Variants in UTRN observed in about 807,000 individuals in gnomAD.
UTRN encodes the protein dystrophin-related protein 1.
Under a neutral mutation model 463.9 loss-of-function variants are expected in UTRN, and 283 were observed. The observed-to-expected ratio is 0.61, with a 90% CI of 0.55 to 0.67. UTRN has a LOEUF of 0.67. Among genes scored for constraint, UTRN ranks in the 30% least tolerant of loss-of-function variants. The pLI, the probability that UTRN is intolerant of heterozygous loss-of-function variation, is 0.00. For synonymous variants in UTRN, 1,442 were observed against 1,431.5 expected (o/e 1.01, Z -0.17); for missense variants, 3,922 against 4,084.3 (o/e 0.96, Z 1.08).
In UTRN at chr6:144,491,083, C is replaced by G; in HGVS notation, c.4418C>G (p.Thr1473Arg). 6.2e-7 allele frequency: 1 copy of G among 1,607,998 alleles called. No individual in the cohort carries two copies. Among genetic ancestry groups the G allele is most frequent in the Non-Finnish European group, 8.5e-7 (1 of 1,178,058 alleles). Reference protein sequence around the residue: ...VKDVDPDVIQTHLDKCMKLYK... With the variant: ...VKDVDPDVIQRHLDKCMKLYK... ...GACGTAGACCCTGACGTCATACAGA[C>G]GCACCTGGACAAGTGTATGGTGAGG... Residue 1473 changes from threonine (T) to arginine (R), a missense_variant, in exon 32 of 75, where the codon ACG (threonine) becomes AGG (arginine). Thr to Arg is a moderately conservative substitution (Grantham distance 71, BLOSUM62 -1). Around this residue, in one of 3 missense-constraint regions of UTRN, gnomAD observed 2,349 missense variants for 2,303.8 expected, o/e 1.02. Coordinates refer to ENST00000367545, the MANE Select transcript of UTRN (RefSeq NM_007124.3).
chr6:144,629,481 T>C (rs1316849764), intron 51 of UTRN, among the ~76,000 whole-genome samples: 1 of 152,254 alleles, frequency 6.6e-6, no homozygotes, highest in Non-Finnish European at 1.5e-5. Context: ...TTCCAAGTTA[T>C]TGCTGATCCT....
rs1243334139 is a variant in UTRN at position 144,428,835 on chromosome 6, A to G, written c.636A>G (p.Glu212=). The change falls in exon 8 of 75, where the codon GAA becomes GAG. Residue 212 remains glutamate (E), a synonymous_variant. Transcript: ENST00000367545. ...AAATGTCACCAATTGAGAGACTTGA[A>G]CATGCCTTCAGCAAGGCTCAAACTT... The part of the protein sequence containing the change: ...VVKMSPIERL[E]HAFSKAQTYL... 5.6e-6 allele frequency: 9 copies of G among 1,612,714 alleles called. No homozygotes were observed. Among genetic ancestry groups the G allele is most frequent in the Non-Finnish European group, 7.6e-6 (9 of 1,179,604 alleles).
intron 7 of UTRN, among the ~76,000 whole-genome samples, chr6:144,428,222 C>CG (rs1270545542): frequency 6.6e-6 from 1 of 152,008 alleles, no homozygotes; most frequent in Non-Finnish European, 1.5e-5. Context: ...AGCATGGAAG[C>CG]AGGGGATTGG....
intron 51 of UTRN, among the ~76,000 whole-genome samples, chr6:144,589,197 A>G (rs1177974072): frequency 6.6e-6 from 1 of 152,146 alleles, no homozygotes; most frequent in Non-Finnish European, 1.5e-5. Flanking sequence ...TTTTGTTTTT[A>G]TTTTAACAGA....
intron 23 of UTRN, among the ~76,000 whole-genome samples, chr6:144,470,782 C>T (rs572535902): frequency 3.9e-5 from 6 of 152,010 alleles, no homozygotes; most frequent in East Asian, 3.9e-4. Flanking sequence ...CCCGGTACCT[C>T]GGGAGGCCGA....
intron 39 of UTRN, among the ~76,000 whole-genome samples, chr6:144,519,621 C>G (rs1316213081): frequency 6.6e-6 from 1 of 152,084 alleles, no homozygotes; most frequent in Non-Finnish European, 1.5e-5. Context: ...TGATTGATCA[C>G]TCTCTTGGGG....
intron 53 of UTRN, among the ~76,000 whole-genome samples, chr6:144,703,288 A>C (rs1784768928): frequency 6.6e-6 from 1 of 152,214 alleles, no homozygotes; most frequent in African/African-American, 2.4e-5. Context: ...GAAATGTAAG[A>C]GCTCGATGTT....
At chr6:144,429,390 T>C (rs960226926) in intron 8 of UTRN, among the ~76,000 whole-genome samples, 191 bp from the exon 9 acceptor site, 2 of 152,166 alleles carry the variant, frequency 1.3e-5, no homozygotes, top group African/African-American at 4.8e-5. Context: ...AATGAGATAC[T>C]GAACAAAAAT....
At chr6:144,727,534 G>A (rs536428286) in intron 53 of UTRN, among the ~76,000 whole-genome samples, 157 of 152,256 alleles carry the variant, frequency 1.0e-3, no homozygotes, top group African/African-American at 3.5e-3. Context: ...CAAGGCGGGC[G>A]GATCACAAGG....
intron 53 of UTRN, among the ~76,000 whole-genome samples, chr6:144,724,222 C>CTTTTTTTTTT (rs34507977): frequency 3.8e-5 from 3 of 78,150 alleles, no homozygotes; most frequent in African/African-American, 5.8e-5. Flanking sequence ...AGATTCATAA[C>CTTTTTTTTTT]TTTTTTTTTT....
chr6:144,757,825 A>G, intron 57 of UTRN, 104 bp from the exon 58 acceptor site: 1 of 1,001,066 alleles, frequency 1.0e-6, no homozygotes, highest in Non-Finnish European at 1.5e-6. Flanking sequence ...CTCAGAAACC[A>G]GAGCAGTTCA....
chr6:144,408,197 G>A (rs7738289), intron 3 of UTRN, among the ~76,000 whole-genome samples: 20,476 of 152,186 alleles, frequency 0.13, 3,402 homozygotes, highest in African/African-American at 0.39. Flanking sequence ...CGTGCCACAC[G>A]TAAACAGAAA....
rs780237943 is a variant in UTRN, at chr6:144,684,810, G to A, written c.7652+6232G>A. On this transcript the variant is annotated intron_variant, in intron 52 of 74. Coordinates refer to ENST00000367545, the MANE Select transcript of UTRN (RefSeq NM_007124.3). Reference sequence around the variant, plus strand: ...TATATACTGGACCTGTCTATCTACTGTTATTTAACTTTACAGTTTTATCCA... The same window carrying A: ...TATATACTGGACCTGTCTATCTACTATTATTTAACTTTACAGTTTTATCCA... Among the ~76,000 whole-genome samples, 5 of 151,960 alleles carry A rather than the reference G, an allele frequency of 3.3e-5. No individual in the cohort carries two copies. In the South Asian group the frequency reaches 1.0e-3, roughly 32 times the overall value.
chr6:144,739,469 A>T (rs1291820479), intron 54 of UTRN, among the ~76,000 whole-genome samples: 1 of 152,236 alleles, frequency 6.6e-6, no homozygotes, highest in Non-Finnish European at 1.5e-5. Context: ...AGTTAATAGA[A>T]GTAACTGGGC....
rs547712845 is a variant in UTRN at position 144,568,371 on chromosome 6, T to C, written c.7290-8728T>C. Among the ~76,000 whole-genome samples the C allele has an allele frequency of 6.6e-5, 10 of 152,322 alleles. No individual in the cohort carries two copies. The South Asian group carries it at 2.1e-3, about 32-fold the overall frequency. On this transcript the variant is annotated intron_variant, in intron 50 of 74. Transcript: ENST00000367545. Reference sequence around the variant, plus strand: ...ATTTAGAAAAAAATTTCTTTGCCTTTGTCTTCTAGCCACAAATTCCTAAGC... The same window carrying C: ...ATTTAGAAAAAAATTTCTTTGCCTTCGTCTTCTAGCCACAAATTCCTAAGC...
chr6:144,617,835 G>T (rs1160097970), intron 51 of UTRN, among the ~76,000 whole-genome samples: 1 of 152,114 alleles, frequency 6.6e-6, no homozygotes, highest in Non-Finnish European at 1.5e-5. Context: ...GCTTGCAGGG[G>T]AGCATAATCT....
intron 9 of UTRN, among the ~76,000 whole-genome samples, chr6:144,432,362 C>G (rs940814584): frequency 3.9e-5 from 6 of 152,252 alleles, no homozygotes; most frequent in Non-Finnish European, 5.9e-5. Flanking sequence ...CTGTCTCTCT[C>G]TCTCTTTCTG....
chr6:144,744,296 T>A (rs966326620), intron 54 of UTRN, among the ~76,000 whole-genome samples: 7 of 139,226 alleles, frequency 5.0e-5, no homozygotes, highest in Non-Finnish European at 1.1e-4. Flanking sequence ...AAAAAAAAAA[T>A]GGTGTATACA....
At chr6:144,748,105 C>G in intron 54 of UTRN, 141 bp from the exon 55 acceptor site, 1 of 1,053,054 alleles carries the variant, frequency 9.5e-7, no homozygotes, top group East Asian at 2.7e-5. Flanking sequence ...TTCTTTCTTA[C>G]CCTGGACAAT....
Sources: gnomAD v4.1 joint callset for allele counts (sites outside exome capture counted in the v4.1 genomes callset) on GRCh38, gnomAD v4.1.1 for gene constraint, gnomAD v4.1.1 regional missense constraint, MANE v1.5 for transcripts, NCBI Gene and HGNC (gene_info 2026-07-23, HGNC 2026-07-21) for gene names.